DCP1B: variants seen among roughly 807,000 people sequenced by gnomAD.
DCP1B encodes the protein decapping mRNA 1B.
Under a neutral mutation model 60.5 loss-of-function variants are expected in DCP1B, and 47 were observed. That is an observed-to-expected ratio of 0.78 (90% CI 0.61 to 0.99). The LOEUF (loss-of-function observed/expected upper bound fraction) is 0.99. Ranked by LOEUF, DCP1B falls within the 50% of genes least tolerant of loss-of-function variation. The pLI is 0.00. For missense variants in DCP1B, 725 were observed against 756.8 expected, an observed-to-expected ratio of 0.96 and a Z score of 0.49; for synonymous variants, 267 against 280.3, an observed-to-expected ratio of 0.95 and a Z score of 0.47.
intron 3 of DCP1B, among the ~76,000 whole-genome samples, chr12:1,983,551 ATGTC>A (rs1446158009): frequency 1.3e-5 from 2 of 151,862 alleles, no homozygotes. Context: ...TCTGTTGTTG[ATGTC>A]TAATTTAATT....
At chr12:1,941,913 T>C (rs2030289347), downstream of DCP1B, among the ~76,000 whole-genome samples, 1 of 152,224 alleles carries the variant, frequency 6.6e-6, no homozygotes, top group South Asian at 2.1e-4. Flanking sequence ...AGCATCATAA[T>C]GACAGGATCA....
chr12:1,960,579 T>C (rs2031086259), intron 5 of DCP1B, among the ~76,000 whole-genome samples: 1 of 152,250 alleles, frequency 6.6e-6, no homozygotes, highest in African/African-American at 2.4e-5. Flanking sequence ...GTAATACATG[T>C]GTTAATTAGC....
chr12:1,987,577 G>A (rs2038155609), intron 3 of DCP1B, among the ~76,000 whole-genome samples: 1 of 152,010 alleles, frequency 6.6e-6, no homozygotes, highest in Admixed American at 6.6e-5. Flanking sequence ...AGTTCTTTCT[G>A]CTCTCCATTT....
chr12:1,952,930 G>A lies in DCP1B; in HGVS notation c.1010C>T (p.Pro337Leu), dbSNP rs2030737214. The part of the protein sequence containing the change: ...FFTGPVQPGS[P>L]HNIGTSRGVQ... ...ACCACGAGAAGTTCCAATGTTGTGA[G>A]GAGACCCTGGCTGGACAGGTCCTGT... The change falls in exon 7 of 9, where the codon CCT becomes CTT. Residue 337 changes from proline (P) to leucine (L), a missense_variant. Pro to Leu is a moderately conservative substitution (Grantham distance 98, BLOSUM62 -3). Coordinates refer to ENST00000280665, the MANE Select transcript of DCP1B (RefSeq NM_152640.5). The A allele has an allele frequency of 1.2e-6, 2 of 1,614,190 alleles. No homozygotes were observed. The highest frequency in any genetic ancestry group is 1.7e-6 in the Non-Finnish European group (2 of 1,180,046).
chr12:1,959,292 G>A (rs1400508025), intron 5 of DCP1B, among the ~76,000 whole-genome samples: 1 of 152,234 alleles, frequency 6.6e-6, no homozygotes, highest in Non-Finnish European at 1.5e-5. Flanking sequence ...AGAGTGAAGA[G>A]ATGACCTATG....
At chr12:1,949,418 T>C (rs929557561) in intron 7 of DCP1B, 84 bp from the exon 8 acceptor site, 2 of 1,562,606 alleles carry the variant, frequency 1.3e-6, no homozygotes, top group Admixed American at 1.7e-5. Flanking sequence ...ACGGGTGGTC[T>C]AAGCATTCCC....
intron 3 of DCP1B, among the ~76,000 whole-genome samples, chr12:1,973,919 G>A (rs757651550): frequency 6.6e-5 from 10 of 151,894 alleles, no homozygotes; most frequent in South Asian, 2.1e-4. Flanking sequence ...CTCTCTACTC[G>A]TCCTTGAAGA....
In DCP1B at chr12:1,996,638, AAAAAAAAAAAAAAAAAACAAC is replaced by A. The variant is rs1257351568; in HGVS notation, c.191+1276_191+1296del. ...AGCTAAAAAAAAAAAAAAAAAAAAA[AAAAAAAAAAAAAAAAAACAAC>A]AAACTCTTCTAATGTTTTAAAGAAG... On this transcript the variant is annotated intron_variant, in intron 2 of 8. Coordinates refer to ENST00000280665, the MANE Select transcript of DCP1B (RefSeq NM_152640.5). Among the ~76,000 whole-genome samples, 15 of 123,564 alleles carry A rather than the reference AAAAAAAAAAAAAAAAAACAAC, an allele frequency of 1.2e-4. 1 individual carries two copies. Among genetic ancestry groups the A allele is most frequent in the East Asian group, 4.2e-4 (2 of 4,720 alleles). 81.1% of individuals were successfully genotyped at this position (123,564 alleles called of 152,430 possible).
At chr12:1,967,962 T>A (rs749683287) in intron 3 of DCP1B, 52 bp from the exon 4 acceptor site, 1 of 1,457,616 alleles carries the variant, frequency 6.9e-7, no homozygotes, top group Non-Finnish European at 9.4e-7. Flanking sequence ...AACTACAAAA[T>A]AGAAAAAAAT....
intron 3 of DCP1B, among the ~76,000 whole-genome samples, chr12:1,976,296 C>T (rs763517698): frequency 2.6e-5 from 4 of 152,158 alleles, no homozygotes; most frequent in East Asian, 3.8e-4. Context: ...ATTTTTCAGT[C>T]GGAATGGCAA....
chr12:1,995,941 T>C (rs2040691680), intron 2 of DCP1B, among the ~76,000 whole-genome samples: 1 of 152,180 alleles, frequency 6.6e-6, no homozygotes, highest in Admixed American at 6.5e-5. Flanking sequence ...TCCAAATCAT[T>C]ACTTCAAAGT....
At chr12:1,967,406 C>T (rs1206400806) in intron 4 of DCP1B, among the ~76,000 whole-genome samples, 3 of 152,160 alleles carry the variant, frequency 2.0e-5, no homozygotes, top group Non-Finnish European at 4.4e-5. Flanking sequence ...TGAGCTCCCA[C>T]AAACATGTAT....
chr12:1,958,269 T>C (rs2470448), intron 5 of DCP1B, among the ~76,000 whole-genome samples: 72,541 of 143,664 alleles, frequency 0.5, 19,322 homozygotes, highest in East Asian at 0.73. Flanking sequence ...AACGTTGCTC[T>C]GGGTAATGAC....
intron 5 of DCP1B, among the ~76,000 whole-genome samples, chr12:1,963,962 T>G (rs1461677788): frequency 6.6e-6 from 1 of 152,174 alleles, no homozygotes; most frequent in East Asian, 1.9e-4. Context: ...CCCCTTACAC[T>G]AAGGTTTTGG....
intron 7 of DCP1B, chr12:1,950,507 G>A (rs2030628383): frequency 4.4e-6 from 3 of 678,134 alleles, no homozygotes; most frequent in Non-Finnish European, 8.1e-6. Context: ...ACTGAAATGA[G>A]GGGGAGTGGG....
chr12:1,992,046 G>C (rs1024257847), intron 3 of DCP1B: 32 of 356,324 alleles, frequency 9.0e-5, no homozygotes, highest in Non-Finnish European at 1.2e-4. Context: ...ATTCAAACTG[G>C]CATTTCTGTA....
rs2032164966 is a variant in DCP1B at position 1,971,363 on chromosome 12, G to C, written c.320-3453C>G. ...CCGTTGTAAAATTTTGCCTGTAACT[G>C]CACTATCCTGGTTTATGCCGTTCTT... On this transcript the variant is annotated intron_variant, in intron 3 of 8. Transcript: ENST00000280665. This position sits in a 1 kb window ranked among gnomAD's most constrained non-coding sequence, Gnocchi z 4.2. 6.6e-6 allele frequency among the ~76,000 whole-genome samples: 1 copy of C among 152,056 alleles called. No individual in the cohort carries two copies. The highest frequency in any genetic ancestry group is 1.5e-5 in the Non-Finnish European group (1 of 68,004).
chr12:1,957,994 G>C (rs550295016), intron 5 of DCP1B, among the ~76,000 whole-genome samples: 36 of 144,182 alleles, frequency 2.5e-4, no homozygotes, highest in African/African-American at 8.8e-4. Flanking sequence ...CAGGGGAAAA[G>C]CTCCCCAACG....
intron 2 of DCP1B, among the ~76,000 whole-genome samples, chr12:1,996,091 A>G (rs1565867175): frequency 6.6e-6 from 1 of 151,956 alleles, no homozygotes; most frequent in Non-Finnish European, 1.5e-5. Flanking sequence ...TTCCATTTCA[A>G]TTTCTATTAT....
Sources: allele counts gnomAD v4.1 joint callset (sites outside exome capture counted in the v4.1 genomes callset), GRCh38; gene constraint gnomAD v4.1.1; non-coding constraint Gnocchi (gnomAD v3.1); transcripts MANE v1.5; gene names NCBI Gene and HGNC (gene_info 2026-07-23, HGNC 2026-07-21).